Variants in AIG1 observed in about 807,000 individuals in gnomAD.
AIG1 encodes the protein androgen induced 1.
A neutral mutation model predicts 31.4 loss-of-function variants in AIG1; 23 were observed. That is an observed-to-expected ratio of 0.73 (90% CI 0.53 to 1.04). AIG1 has a LOEUF of 1.04. AIG1 is among the 50% of genes least tolerant of loss of function. The probability of loss-of-function intolerance (pLI) is 0.00; values close to 1 mark genes in which losing one functional copy is unlikely to be tolerated. For synonymous variants in AIG1, 100 were observed against 110.5 expected (o/e 0.90, Z 0.60); for missense variants, 274 against 295.0 (o/e 0.93, Z 0.52).
rs1001606235 is a variant in AIG1 at position 143,325,037 on chromosome 6, G to A, written c.516-8245G>A. Among the ~76,000 whole-genome samples the A allele has an allele frequency of 1.3e-5, 2 of 152,104 alleles. No individual in the cohort carries two copies. Among genetic ancestry groups the A allele is most frequent in the African/African-American group, 4.8e-5 (2 of 41,422 alleles). On this transcript the variant is annotated intron_variant, in intron 4 of 5. Coordinates refer to ENST00000357847, the MANE Select transcript of AIG1 (RefSeq NM_016108.4). The surrounding 1 kb of genome is among the most constrained non-coding windows in gnomAD (Gnocchi z 4.3). ...CCCAGTCAACATCCAAAGTAGATTCGAATGTTGTACATACCACTTGGAATC... is the reference window on the plus strand; with the variant it reads ...CCCAGTCAACATCCAAAGTAGATTCAAATGTTGTACATACCACTTGGAATC...
chr6:143,293,483 C>CT lies in AIG1; in HGVS notation c.515+9259dup, dbSNP rs1312496798. ...ATTTTCTCATCTTCTAAGGAAAAGT[C>CT]TATCTGGGCAGTTGAAAGCCTGACA... On this transcript the variant is annotated intron_variant, in intron 4 of 5. Transcript: ENST00000357847. This position sits in a 1 kb window ranked among gnomAD's most constrained non-coding sequence, Gnocchi z 4.8. Among the ~76,000 whole-genome samples, 2 of 152,180 alleles carry CT rather than the reference C, an allele frequency of 1.3e-5. No individual in the cohort carries two copies. The highest frequency in any genetic ancestry group is 2.9e-5 in the Non-Finnish European group (2 of 68,030).
intron 4 of AIG1, among the ~76,000 whole-genome samples, chr6:143,306,338 T>A (rs1234248168): frequency 6.6e-6 from 1 of 152,228 alleles, no homozygotes; most frequent in Non-Finnish European, 1.5e-5. Context: ...CTTTACAATT[T>A]GGCATGATTT....
In AIG1 at chr6:143,113,588, G is replaced by A. The variant is rs562623322; in HGVS notation, c.142-23247G>A. Among the ~76,000 whole-genome samples, 96 of 147,880 alleles carry A rather than the reference G, an allele frequency of 6.5e-4. 1 individual carries two copies. The Middle Eastern group carries it at 0.018, about 27-fold the overall frequency. ...ACTGCACTCCAGCCTAGGCAACAGA[G>A]AGAGACTCCATCTCAAAAAAAAAAA... On this transcript the variant is annotated intron_variant, in intron 1 of 5. Transcript: ENST00000357847.
chr6:143,196,396 C>CACACACACACA (rs1554256875), intron 3 of AIG1, among the ~76,000 whole-genome samples: 2 of 142,636 alleles, frequency 1.4e-5, no homozygotes, highest in Non-Finnish European at 3.1e-5. Flanking sequence ...CACACACACA[C>CACACACACACA]CCCAATTTGA....
intron 3 of AIG1, among the ~76,000 whole-genome samples, chr6:143,169,997 G>T (rs1376694403): frequency 6.6e-6 from 1 of 151,958 alleles, no homozygotes; most frequent in East Asian, 1.9e-4. Context: ...GTAGTATTTT[G>T]TTGAGGATTT....
At chr6:143,192,628 A>AT (rs150851160) in intron 3 of AIG1, among the ~76,000 whole-genome samples, 22,943 of 150,502 alleles carry the variant, frequency 0.15, 1,875 homozygotes, top group Non-Finnish European at 0.18. Flanking sequence ...AAAAAGCCTT[A>AT]TTTTTTTCCT....
intron 1 of AIG1, among the ~76,000 whole-genome samples, chr6:143,096,322 C>T (rs149937587): frequency 1.3e-5 from 2 of 152,312 alleles, no homozygotes; most frequent in East Asian, 1.9e-4. Flanking sequence ...TTAATTAGCA[C>T]CTGAAAGTAC....
intron 3 of AIG1, among the ~76,000 whole-genome samples, chr6:143,198,436 G>A (rs1195454970): frequency 6.6e-6 from 1 of 152,208 alleles, no homozygotes; most frequent in East Asian, 1.9e-4. Context: ...TTGATTATCT[G>A]TGGTGTTGGG....
In AIG1 at chr6:143,181,119, A is replaced by G. The variant is rs17629061; in HGVS notation, c.399+15936A>G. On this transcript the variant is annotated intron_variant, in intron 3 of 5. Transcript: ENST00000357847. Reference sequence around the variant, plus strand: ...GCCACACTGATATTAGATATTTCATAAAAATAAGCTATTGGTTGAAAGAAG... The same window carrying G: ...GCCACACTGATATTAGATATTTCATGAAAATAAGCTATTGGTTGAAAGAAG... 3.2e-3 allele frequency among the ~76,000 whole-genome samples: 492 copies of G among 152,348 alleles called. 14 individuals are homozygous for G. In the East Asian group the frequency reaches 0.061, roughly 19 times the overall value.
chr6:143,162,772 G>A (rs1024366043), intron 2 of AIG1, among the ~76,000 whole-genome samples: 3 of 152,132 alleles, frequency 2.0e-5, no homozygotes, highest in East Asian at 1.9e-4. Context: ...CACATTTATC[G>A]CACAGTCTAC....
intron 1 of AIG1, among the ~76,000 whole-genome samples, chr6:143,098,567 T>G (rs1779990355): frequency 6.6e-6 from 1 of 152,234 alleles, no homozygotes; most frequent in African/African-American, 2.4e-5. Context: ...TTTAAATACA[T>G]TCTATCTGAT....
Position 143,279,169 on chromosome 6 carries a change from A to AT in AIG1, c.400-4934dup, listed in dbSNP as rs377517031. On this transcript the variant is annotated intron_variant, in intron 3 of 5. Transcript: ENST00000357847. The surrounding 1 kb of genome is among the most constrained non-coding windows in gnomAD (Gnocchi z 5.4). The stretch of plus-strand genomic sequence containing the variant: ...ATATAATCTTCAACTCTGAAAGTTC[A>AT]TTTTTTTCTTCTGATTCTAAAAGAA... 1.3e-5 allele frequency among the ~76,000 whole-genome samples: 2 copies of AT among 152,060 alleles called. No homozygotes were observed. Among genetic ancestry groups the AT allele is most frequent in the African/African-American group, 4.8e-5 (2 of 41,418 alleles).
chr6:143,276,211 T>C (rs1182559970), intron 3 of AIG1, among the ~76,000 whole-genome samples: 1 of 152,242 alleles, frequency 6.6e-6, no homozygotes, highest in African/African-American at 2.4e-5. Flanking sequence ...TGCAACGATA[T>C]GCATGTCTTA....
chr6:143,260,258 G>T (rs766030195), intron 3 of AIG1, among the ~76,000 whole-genome samples: 13 of 152,032 alleles, frequency 8.6e-5, no homozygotes, highest in Non-Finnish European at 4.4e-5. Flanking sequence ...TGATCCGCCC[G>T]CGTCGGCCTC....
chr6:143,278,657 C>T (rs1450676879), intron 3 of AIG1, among the ~76,000 whole-genome samples: 1 of 151,652 alleles, frequency 6.6e-6, no homozygotes, highest in South Asian at 2.1e-4. Context: ...TCAGTAGAGA[C>T]GGGGTTTCGC....
intron 1 of AIG1, among the ~76,000 whole-genome samples, chr6:143,095,595 C>A (rs114573033): frequency 0.019 from 2,956 of 152,204 alleles, 34 homozygotes; most frequent in Middle Eastern, 0.048. Context: ...AGTAACAGAG[C>A]AACACCTAAA....
intron 3 of AIG1, among the ~76,000 whole-genome samples, chr6:143,273,311 T>A (rs1228632529): frequency 6.6e-6 from 1 of 152,222 alleles, no homozygotes; most frequent in African/African-American, 2.4e-5. Flanking sequence ...CAAGCTTCCT[T>A]TTGTTAAATT....
upstream of AIG1, chr6:143,060,787 CCCCCGCCCCCGCCCCCGCCCCGCCCCG>C: frequency 1.0e-5 from 1 of 96,602 alleles, no homozygotes; most frequent in Non-Finnish European, 2.1e-5. Context: ...GCGCGCCCCG[CCCCCGCCCCCGCCCCCGCCCCGCCCCG>C]CCCCGCGCCC....
chr6:143,306,347 T>C (rs1386411721), intron 4 of AIG1, among the ~76,000 whole-genome samples: 3 of 152,210 alleles, frequency 2.0e-5, no homozygotes, highest in Non-Finnish European at 4.4e-5. Context: ...TTGGCATGAT[T>C]TTTCAGTGGC....
Sources: gnomAD v4.1 joint callset for allele counts (sites outside exome capture counted in the v4.1 genomes callset) on GRCh38, gnomAD v4.1.1 for gene constraint, Gnocchi (gnomAD v3.1) non-coding constraint, MANE v1.5 for transcripts, NCBI Gene and HGNC (gene_info 2026-07-23, HGNC 2026-07-21) for gene names.